The following ELP6 variants were observed in gnomAD, a reference collection of about 807,000 sequenced individuals.
The protein encoded by ELP6 is elongator acetyltransferase complex subunit 6, also known as elongator complex protein 6.
ELP6 carries 23 observed loss-of-function variants against 28.1 expected under a neutral mutation model. The ratio of observed to expected loss-of-function variants is 0.82; its 90% CI spans 0.59 to 1.16. The LOEUF (loss-of-function observed/expected upper bound fraction) is 1.16, where lower values mean the gene tolerates loss of function less well. Among genes scored for constraint, ELP6 ranks in the 50% most tolerant of loss-of-function variants. The pLI is 0.00. For missense variants in ELP6, 313 were observed against 334.6 expected (o/e 0.94, Z 0.50); for synonymous variants, 132 against 135.8 (o/e 0.97, Z 0.19).
At position 47,501,643 on chromosome 3, in the gene ELP6, T is replaced by C; in HGVS notation, c.525+7A>G. ...GGTGGGCGCAGAGAAGGCAGTTCCA[T>C]GAGTACCTTTAGTTCCCAGCACACG... On this transcript the variant is annotated splice_region_variant and intron_variant, in intron 5 of 6. Coordinates refer to ENST00000296149, the MANE Select transcript of ELP6 (RefSeq NM_001031703.3). The C allele has an allele frequency of 6.2e-7, 1 of 1,613,984 alleles. No individual in the cohort carries two copies. Among genetic ancestry groups the C allele is most frequent in the Non-Finnish European group, 8.5e-7 (1 of 1,179,926 alleles).
chr3:47,504,755 A>C (rs1708776725), intron 3 of ELP6: 1 of 560,998 alleles, frequency 1.8e-6, no homozygotes, highest in Non-Finnish European at 2.3e-6. Context: ...CAGAAGTTTG[A>C]GACAAGCCTG....
At chr3:47,500,424 T>A (rs1308084117) in intron 5 of ELP6, 1 of 179,840 alleles carries the variant, frequency 5.6e-6, no homozygotes. Context: ...AATATGTGCA[T>A]AATTGTACAG....
In ELP6 at chr3:47,498,225, T is replaced by G. The variant is rs745500209; in HGVS notation, c.672+61A>C. 9 of 1,593,884 alleles carry G rather than the reference T, an allele frequency of 5.6e-6. No homozygotes were observed. The East Asian group carries it at 1.8e-4, about 32-fold the overall frequency. On this transcript the variant is annotated intron_variant, in intron 6 of 6. Transcript: ENST00000296149. ...GTCCCTCAGGCCTGACTCTCCCCTA[T>G]GTAGTCAAGAATCACAGGTACACGG...
chr3:47,512,499 C>A (rs899350595), intron 1 of ELP6: 1 of 611,836 alleles, frequency 1.6e-6, no homozygotes, highest in Non-Finnish European at 2.0e-6. Flanking sequence ...TGCAGGGAGC[C>A]GAGATCGCGC....
intron 4 of ELP6, chr3:47,503,211 AG>A: frequency 8.5e-7 from 1 of 1,180,260 alleles, no homozygotes; most frequent in Non-Finnish European, 1.1e-6. Context: ...AGTCACACAC[AG>A]GGTCAGGAAA....
chr3:47,505,957 C>CAAGT (rs1708822894), intron 3 of ELP6, among the ~76,000 whole-genome samples: 1 of 152,136 alleles, frequency 6.6e-6, no homozygotes, highest in African/African-American at 2.4e-5. Context: ...ATCCACCTGC[C>CAAGT]GATATCAGGA....
At chr3:47,510,761 T>A (rs1559595104) in intron 2 of ELP6, among the ~76,000 whole-genome samples, 1 of 152,178 alleles carries the variant, frequency 6.6e-6, no homozygotes, top group South Asian at 2.1e-4. Context: ...CGCCCAGCCA[T>A]GCAGCAGCCA....
chr3:47,501,358 A>G (rs536327482), intron 5 of ELP6, among the ~76,000 whole-genome samples: 2 of 152,272 alleles, frequency 1.3e-5, no homozygotes, highest in African/African-American at 4.8e-5. Flanking sequence ...AGGGATGATA[A>G]TAACTTGCCC....
chr3:47,502,387 A>G lies in ELP6; in HGVS notation c.324-536T>C, dbSNP rs370977611. On this transcript the variant is annotated intron_variant, in intron 4 of 6. Coordinates refer to ENST00000296149, the MANE Select transcript of ELP6 (RefSeq NM_001031703.3). ...ACTGAGATCATCCCACTGCACTCCAACCTGGGCAACAAAATGAGACTCTGT... is the reference window on the plus strand; with the variant it reads ...ACTGAGATCATCCCACTGCACTCCAGCCTGGGCAACAAAATGAGACTCTGT... 5.2e-5 allele frequency: 51 copies of G among 977,396 alleles called. 1 individual carries two copies. In the East Asian group the frequency reaches 1.8e-3, roughly 34 times the overall value. The allele number at this position is 977,396 out of a possible 1,614,324, so 60.5% of individuals were successfully genotyped here. A position where few individuals can be genotyped will look rare whatever the true frequency, so the allele number is the denominator to read the frequency against.
intron 4 of ELP6, chr3:47,503,335 G>C (rs912946022): frequency 7.8e-7 from 1 of 1,289,426 alleles, no homozygotes; most frequent in African/African-American, 1.5e-5. Flanking sequence ...CAAGCGGGGA[G>C]TCTTCACAGA....
At chr3:47,504,241 C>T (rs201907853) in intron 4 of ELP6, 89 bp downstream of exon 4, 33 of 1,452,890 alleles carry the variant, frequency 2.3e-5, no homozygotes, top group Non-Finnish European at 2.8e-5. Flanking sequence ...TCCTCCTGCA[C>T]AATAAGAAGG....
chr3:47,498,602 A>G (rs1309603268), intron 5 of ELP6, 170 bp from the exon 6 acceptor site: 1 of 985,202 alleles, frequency 1.0e-6, no homozygotes, highest in Non-Finnish European at 1.2e-6. Flanking sequence ...AATTCCAGTC[A>G]CCTACTGGAC....
chr3:47,513,426 C>A, intron 1 of ELP6, 111 bp downstream of exon 1: 1 of 1,520,418 alleles, frequency 6.6e-7, no homozygotes, highest in Non-Finnish European at 8.8e-7. Flanking sequence ...TCCCAGGTAC[C>A]CCGTGCCGGG....
At chr3:47,507,824 A>G (rs1007288319) in intron 3 of ELP6, among the ~76,000 whole-genome samples, 5 of 151,656 alleles carry the variant, frequency 3.3e-5, no homozygotes, top group African/African-American at 1.2e-4. Context: ...GCTCACTACC[A>G]CTCTATTTAT....
At chr3:47,506,357 GT>G (rs1708836965) in intron 3 of ELP6, among the ~76,000 whole-genome samples, 2 of 152,128 alleles carry the variant, frequency 1.3e-5, no homozygotes, top group African/African-American at 4.8e-5. Context: ...AGAGCAACTG[GT>G]CTGACCAAAA....
chr3:47,511,016 T>G, intron 2 of ELP6, 132 bp downstream of exon 2: 2 of 696,874 alleles, frequency 2.9e-6, no homozygotes, highest in Non-Finnish European at 4.8e-6. Flanking sequence ...CCTAATAAAA[T>G]AGCCCCCCTA....
intron 4 of ELP6, chr3:47,503,549 G>T: frequency 1.7e-6 from 1 of 592,272 alleles, no homozygotes; most frequent in Non-Finnish European, 2.6e-6. Context: ...AGGACAACAT[G>T]CAAACAAATG....
chr3:47,511,986 AC>A, intron 1 of ELP6: 1 of 984,738 alleles, frequency 1.0e-6, no homozygotes, highest in Non-Finnish European at 1.2e-6. Flanking sequence ...CTTCAGTGTT[AC>A]CCCTAGTGCT....
chr3:47,499,739 A>T, intron 5 of ELP6: 4 of 1,008,812 alleles, frequency 4.0e-6, no homozygotes, highest in Non-Finnish European at 4.7e-6. Context: ...AAGAAAAAGA[A>T]TAAGTGGCTC....
Sources: gnomAD v4.1 joint callset for allele counts (sites outside exome capture counted in the v4.1 genomes callset) on GRCh38, gnomAD v4.1.1 for gene constraint, MANE v1.5 for transcripts, NCBI Gene and HGNC (gene_info 2026-07-23, HGNC 2026-07-21) for gene names.